The following CMTM7 variants were observed in gnomAD, a reference collection of about 807,000 sequenced individuals.
CMTM7 encodes CKLF-like MARVEL transmembrane domain-containing protein 7.
CMTM7 carries 7 observed loss-of-function variants against 19.3 expected under a neutral mutation model. The ratio of observed to expected loss-of-function variants is 0.36; its 90% CI spans 0.21 to 0.68. The LOEUF (loss-of-function observed/expected upper bound fraction) is 0.68. Among genes scored for constraint, CMTM7 ranks in the 30% least tolerant of loss-of-function variants. The pLI, the probability that CMTM7 is intolerant of heterozygous loss-of-function variation, is 0.60. For synonymous variants in CMTM7, 87 were observed against 99.3 expected, an observed-to-expected ratio of 0.88 and a Z score of 0.74; for missense variants, 193 against 232.6, an observed-to-expected ratio of 0.83 and a Z score of 1.11.
intron 4 of CMTM7, 68 bp downstream of exon 4, chr3:32,452,541 G>T (rs1696853060): frequency 2.7e-6 from 4 of 1,507,994 alleles, no homozygotes; most frequent in Non-Finnish European, 2.8e-6. Flanking sequence ...CTTGACTTCA[G>T]CCATAGGGAC....
intron 1 of CMTM7, among the ~76,000 whole-genome samples, chr3:32,400,074 C>T (rs1050330540): frequency 6.6e-6 from 1 of 152,100 alleles, no homozygotes; most frequent in African/African-American, 2.4e-5. Context: ...GGTTGGAGTG[C>T]AGTGGTGCGG....
At chr3:32,408,623 G>A (rs1472681913) in intron 1 of CMTM7, among the ~76,000 whole-genome samples, 1 of 152,200 alleles carries the variant, frequency 6.6e-6, no homozygotes, top group Non-Finnish European at 1.5e-5. Flanking sequence ...AGATGGAAAG[G>A]ACGTTCCAAA....
intron 1 of CMTM7, among the ~76,000 whole-genome samples, chr3:32,418,795 T>C (rs184457693): frequency 6.5e-4 from 99 of 152,380 alleles, no homozygotes; most frequent in Middle Eastern, 3.4e-3. Context: ...TCTTGATTAC[T>C]GTAACTTAAT....
chr3:32,431,454 G>A (rs1696517275), intron 1 of CMTM7, among the ~76,000 whole-genome samples: 1 of 151,976 alleles, frequency 6.6e-6, no homozygotes, highest in African/African-American at 2.4e-5. Flanking sequence ...CATATCTAAT[G>A]GGCTGAGCCT....
intron 1 of CMTM7, among the ~76,000 whole-genome samples, chr3:32,408,688 C>A (rs1157678428): frequency 1.3e-5 from 2 of 152,090 alleles, no homozygotes; most frequent in South Asian, 4.2e-4. Flanking sequence ...CCAGATTCCC[C>A]CAAACCATCA....
intron 1 of CMTM7, among the ~76,000 whole-genome samples, chr3:32,396,509 A>C (rs930895009): frequency 3.9e-5 from 6 of 152,026 alleles, no homozygotes; most frequent in Non-Finnish European, 7.4e-5. Context: ...TCCGTCACAA[A>C]AACAACAACA....
chr3:32,418,824 A>G (rs1487427971), intron 1 of CMTM7, among the ~76,000 whole-genome samples: 1 of 152,174 alleles, frequency 6.6e-6, no homozygotes, highest in Non-Finnish European at 1.5e-5. Context: ...TTGAAATTGG[A>G]TAGTGCTCTT....
intron 1 of CMTM7, among the ~76,000 whole-genome samples, chr3:32,404,162 C>CTTTTTTTTTTTTTTTTT (rs5847761): frequency 1.3e-5 from 1 of 74,670 alleles, no homozygotes; most frequent in Non-Finnish European, 3.0e-5. Flanking sequence ...CTTTTTTTTT[C>CTTTTTTTTTTTTTTTTT]TTTTTTTTTT....
At chr3:32,434,428 C>T (rs571826104) in intron 1 of CMTM7, among the ~76,000 whole-genome samples, 23 of 151,746 alleles carry the variant, frequency 1.5e-4, no homozygotes, top group Non-Finnish European at 2.8e-4. Flanking sequence ...TCCTGAGTAG[C>T]TGGGACTACA....
Position 32,449,517 on chromosome 3 carries a change from A to G in CMTM7, c.397A>G (p.Lys133Glu). The G allele has an allele frequency of 1.2e-6, 2 of 1,614,118 alleles. No individual in the cohort carries two copies. The highest frequency in any genetic ancestry group is 1.7e-6 in the Non-Finnish European group (2 of 1,179,998). Residue 133 changes from lysine to glutamate, a missense_variant, in exon 3 of 5, where the codon AAG (lysine) becomes GAG (glutamate). By Grantham distance (56) the Lys-to-Glu change is moderately conservative. Transcript: ENST00000334983. The surrounding 1 kb of genome is among the most constrained non-coding windows in gnomAD (Gnocchi z 4.5). ...LLIASIVAAS[K>E]SYNQSGLVAG... Reference sequence around the variant, plus strand: ...CATCGCCTCCATTGTGGCAGCTTCCAAGAGTTACAACCAGAGCGGACTGGT... The same window carrying G: ...CATCGCCTCCATTGTGGCAGCTTCCGAGAGTTACAACCAGAGCGGACTGGT...
rs1559405725 is a variant in CMTM7 at position 32,416,382 on chromosome 3, T to TTTTTTTTTTTC, written c.159+24327_159+24328insCTTTTTTTTTT. On this transcript the variant is annotated intron_variant, in intron 1 of 4. Coordinates refer to ENST00000334983, the MANE Select transcript of CMTM7 (RefSeq NM_138410.4). ...GCTAATTTTTTTTTTTTTTTTTTTT[T>TTTTTTTTTTTC]TTTTTTTTTTTTTTTGAGACGGAGT... 2.3e-4 allele frequency among the ~76,000 whole-genome samples: 23 copies of TTTTTTTTTTTC among 100,224 alleles called. 2 individuals are homozygous for TTTTTTTTTTTC. Among genetic ancestry groups the TTTTTTTTTTTC allele is most frequent in the Middle Eastern group, 7.9e-3 (2 of 254 alleles). 65.8% of individuals were successfully genotyped at this position (100,224 alleles called of 152,430 possible). A position where few individuals can be genotyped will look rare whatever the true frequency, so the allele number is the denominator to read the frequency against.
At chr3:32,452,607 GCA>G in intron 4 of CMTM7, 134 bp downstream of exon 4, 1 of 839,604 alleles carries the variant, frequency 1.2e-6, no homozygotes. Context: ...TAGTATTAGA[GCA>G]CAGGGGCCAG....
chr3:32,419,432 C>G (rs913604655), intron 1 of CMTM7, among the ~76,000 whole-genome samples: 3 of 152,210 alleles, frequency 2.0e-5, no homozygotes, highest in African/African-American at 7.2e-5. Context: ...GAAAAGACAT[C>G]TTTTCCTTGT....
At chr3:32,404,197 G>C (rs1204030442) in intron 1 of CMTM7, among the ~76,000 whole-genome samples, 1 of 117,620 alleles carries the variant, frequency 8.5e-6, no homozygotes, top group Non-Finnish European at 1.6e-5. Flanking sequence ...GTCTCACTCT[G>C]TTGCCTAGAC....
intron 1 of CMTM7, among the ~76,000 whole-genome samples, chr3:32,439,372 C>T (rs1483356519): frequency 3.3e-5 from 5 of 152,170 alleles, no homozygotes; most frequent in Non-Finnish European, 7.3e-5. Context: ...TGATAGTGGG[C>T]TAGCAACAAG....
intron 1 of CMTM7, among the ~76,000 whole-genome samples, chr3:32,426,057 A>C (rs1355963369): frequency 6.6e-6 from 1 of 152,208 alleles, no homozygotes; most frequent in Non-Finnish European, 1.5e-5. Flanking sequence ...AGGCAGGAGA[A>C]TCGCTTGAAC....
intron 1 of CMTM7, among the ~76,000 whole-genome samples, chr3:32,440,133 G>A (rs939157819): frequency 2.6e-5 from 4 of 151,874 alleles, no homozygotes; most frequent in East Asian, 1.9e-4. Flanking sequence ...CTGGCCAGGC[G>A]TGGTGGCTCA....
At chr3:32,399,888 C>A (rs1345229465) in intron 1 of CMTM7, among the ~76,000 whole-genome samples, 1 of 152,126 alleles carries the variant, frequency 6.6e-6, no homozygotes, top group Non-Finnish European at 1.5e-5. Flanking sequence ...TTATTCCTAA[C>A]AAAAGTAATA....
intron 1 of CMTM7, among the ~76,000 whole-genome samples, chr3:32,405,577 A>C (rs1696080541): frequency 6.6e-6 from 1 of 152,176 alleles, no homozygotes; most frequent in Admixed American, 6.5e-5. Flanking sequence ...AGATGAGGAA[A>C]CTGAGGCAGG....
Sources: allele counts gnomAD v4.1 joint callset (sites outside exome capture counted in the v4.1 genomes callset), GRCh38; gene constraint gnomAD v4.1.1; non-coding constraint Gnocchi (gnomAD v3.1); transcripts MANE v1.5; gene names NCBI Gene and HGNC (gene_info 2026-07-23, HGNC 2026-07-21).